MARCHF1: variants seen among roughly 807,000 people sequenced by gnomAD.
MARCHF1 encodes the protein membrane associated ring-CH-type finger 1.
A neutral mutation model predicts 54.2 loss-of-function variants in MARCHF1; 40 were observed. The observed-to-expected ratio is 0.74, with a 90% CI of 0.57 to 0.96. The LOEUF (loss-of-function observed/expected upper bound fraction) is 0.96. MARCHF1 is among the 40% of genes least tolerant of loss of function. MARCHF1 has a pLI of 0.00. For missense variants in MARCHF1, 586 were observed against 656.5 expected, an observed-to-expected ratio of 0.89 and a Z score of 1.17; for synonymous variants, 236 against 236.3, an observed-to-expected ratio of 1.00 and a Z score of 0.01.
chr4:163,685,189 AT>A (rs1310992936), intron 5 of MARCHF1, among the ~76,000 whole-genome samples: 4 of 152,144 alleles, frequency 2.6e-5, no homozygotes, highest in Admixed American at 1.3e-4. Context: ...CTGACAAAAA[AT>A]ATCTGGTTTT....
chr4:163,833,401 A>C (rs1251294909), intron 4 of MARCHF1, among the ~76,000 whole-genome samples: 1 of 152,214 alleles, frequency 6.6e-6, no homozygotes, highest in Non-Finnish European at 1.5e-5. Flanking sequence ...TCTGCACAGC[A>C]AAAGAAACCA....
At chr4:163,789,996 T>C (rs1288531168) in intron 4 of MARCHF1, among the ~76,000 whole-genome samples, 1 of 152,098 alleles carries the variant, frequency 6.6e-6, no homozygotes, top group Non-Finnish European at 1.5e-5. Context: ...GTTCAGTAAG[T>C]ATAACTACAC....
At chr4:163,740,798 G>A (rs541625363) in intron 4 of MARCHF1, among the ~76,000 whole-genome samples, 6 of 152,194 alleles carry the variant, frequency 3.9e-5, no homozygotes, top group Non-Finnish European at 8.8e-5. Context: ...TGTTTTTACT[G>A]AGTAGGTGAA....
At chr4:163,903,401 C>T (rs899528231) in intron 3 of MARCHF1, among the ~76,000 whole-genome samples, 5 of 152,066 alleles carry the variant, frequency 3.3e-5, no homozygotes. Context: ...GAAATGCCTG[C>T]TTAACTCAGT....
intron 3 of MARCHF1, among the ~76,000 whole-genome samples, chr4:163,894,989 TATATATGCATGTGATACACATACACACAC>T (rs1750772635): frequency 8.1e-6 from 1 of 123,296 alleles, no homozygotes; most frequent in African/African-American, 4.0e-5. Flanking sequence ...CACATATACA[TATATATGCATGTGATACACATACACACAC>T]ATATGCATGT....
At chr4:163,660,949 A>G (rs1251848169) in intron 5 of MARCHF1, among the ~76,000 whole-genome samples, 1 of 151,978 alleles carries the variant, frequency 6.6e-6, no homozygotes, top group Non-Finnish European at 1.5e-5. Context: ...TAGACACATC[A>G]CCTTCAGCTC....
rs576306829 is a variant in MARCHF1 at position 163,999,486 on chromosome 4, T to C, written c.-247-10777A>G. On this transcript the variant is annotated intron_variant, in intron 2 of 9. Coordinates refer to ENST00000514618, the MANE Select transcript of MARCHF1 (RefSeq NM_001394959.1). ...AAACACACAGTAAAACTGGGTATCT[T>C]TTATGTAAAGAGAATTATTTCCACT... 5.7e-4 allele frequency among the ~76,000 whole-genome samples: 87 copies of C among 151,658 alleles called. 2 individuals carry two copies. The highest frequency in any genetic ancestry group is 1.9e-3 in the African/African-American group (79 of 41,480).
intron 1 of MARCHF1, among the ~76,000 whole-genome samples, chr4:164,214,956 G>T (rs759775906): frequency 3.4e-4 from 52 of 152,268 alleles, no homozygotes; most frequent in Non-Finnish European, 6.2e-4. Context: ...AGATGGGCAG[G>T]CTGTGGGGCT....
At chr4:164,153,204 C>G (rs986414409) in intron 1 of MARCHF1, among the ~76,000 whole-genome samples, 1 of 152,088 alleles carries the variant, frequency 6.6e-6, no homozygotes, top group Non-Finnish European at 1.5e-5. Context: ...CAGAAACACA[C>G]AAATCTTCAC....
intron 5 of MARCHF1, among the ~76,000 whole-genome samples, chr4:163,678,464 G>C (rs1445612303): frequency 6.6e-6 from 1 of 152,142 alleles, no homozygotes; most frequent in Admixed American, 6.5e-5. Context: ...CCTCTAAGCT[G>C]ATACATATTT....
rs140250460 is a variant in MARCHF1, at chr4:164,370,729, C to T, written c.-323+13141G>A. 1.2e-4 allele frequency among the ~76,000 whole-genome samples: 19 copies of T among 152,110 alleles called. No individual in the cohort carries two copies. The South Asian group carries it at 2.7e-3, about 22-fold the overall frequency. On this transcript the variant is annotated intron_variant, in intron 1 of 9. Transcript: ENST00000514618. ...TTGGAGACCAGCCTCACCAACACGG[C>T]GAAACTCGATCTCTACTAAAATACA... is the stretch of plus-strand genomic sequence containing the variant.
rs546476860 is a variant in MARCHF1, at chr4:163,598,169, G to A, written c.1011-12240C>T. ...CCAGAAGATAAAACTACTTTACCCT[G>A]TCATCTGCCATTGAAAGGGGGTGTC... On this transcript the variant is annotated intron_variant, in intron 7 of 9. Transcript: ENST00000514618. Among the ~76,000 whole-genome samples, 431 of 152,244 alleles carry A rather than the reference G, an allele frequency of 2.8e-3. 1 individual carries two copies. The highest frequency in any genetic ancestry group is 4.4e-3 in the Non-Finnish European group (301 of 68,022).
intron 2 of MARCHF1, among the ~76,000 whole-genome samples, chr4:164,012,083 C>T (rs1241671769): frequency 1.3e-5 from 2 of 152,188 alleles, no homozygotes; most frequent in African/African-American, 4.8e-5. Context: ...TCGTAGCTAG[C>T]TTCACCACTA....
intron 1 of MARCHF1, among the ~76,000 whole-genome samples, chr4:164,163,570 C>T (rs1377897864): frequency 6.6e-6 from 1 of 151,718 alleles, no homozygotes; most frequent in East Asian, 1.9e-4. Context: ...ATAAAAAAGA[C>T]AGGACAAATT....
intron 5 of MARCHF1, among the ~76,000 whole-genome samples, chr4:163,658,961 T>G (rs1013500730): frequency 1.3e-5 from 2 of 151,336 alleles, no homozygotes; most frequent in African/African-American, 4.9e-5. Flanking sequence ...ATAAAAAGGA[T>G]CAAGAAAAGA....
At chr4:164,201,323 G>A (rs59303581) in intron 1 of MARCHF1, among the ~76,000 whole-genome samples, 8,990 of 152,088 alleles carry the variant, frequency 0.059, 417 homozygotes, top group African/African-American at 0.12. Flanking sequence ...AGGTTCAAGC[G>A]ATTCTCCTGC....
At chr4:164,099,694 CAAAT>C (rs987464009) in intron 2 of MARCHF1, among the ~76,000 whole-genome samples, 5 of 151,878 alleles carry the variant, frequency 3.3e-5, no homozygotes, top group African/African-American at 4.8e-5. Context: ...GCGGGAAAAA[CAAAT>C]GAGAGTTTGT....
chr4:163,689,412 C>G (rs1035125805), intron 5 of MARCHF1, among the ~76,000 whole-genome samples: 1 of 152,174 alleles, frequency 6.6e-6, no homozygotes, highest in African/African-American at 2.4e-5. Flanking sequence ...TCTGATAGAA[C>G]TTTCTGTGAT....
intron 4 of MARCHF1, among the ~76,000 whole-genome samples, chr4:163,807,652 T>TAA (rs1748263245): frequency 6.6e-6 from 1 of 152,150 alleles, no homozygotes; most frequent in Non-Finnish European, 1.5e-5. Context: ...AATGAACTTA[T>TAA]AAATATGCAT....
Sources: allele counts gnomAD v4.1 joint callset (sites outside exome capture counted in the v4.1 genomes callset), GRCh38; gene constraint gnomAD v4.1.1; transcripts MANE v1.5; gene names NCBI Gene and HGNC (gene_info 2026-07-23, HGNC 2026-07-21).